The following RASAL2 variants were observed in gnomAD, a reference collection of about 807,000 sequenced individuals.
RASAL2 encodes the protein RAS protein activator like 2, also known as ras GTPase-activating protein nGAP.
A neutral mutation model predicts 128.9 loss-of-function variants in RASAL2; 58 were observed. The observed-to-expected ratio is 0.45, with a 90% CI of 0.36 to 0.56. The LOEUF is 0.56. Among genes scored for constraint, RASAL2 ranks in the 20% least tolerant of loss-of-function variants. RASAL2 has a pLI of 0.00. For synonymous variants in RASAL2, 561 were observed against 580.8 expected (o/e 0.97, Z 0.49); for missense variants, 1,360 against 1,601.6 (o/e 0.85, Z 2.57).
intron 1 of RASAL2, among the ~76,000 whole-genome samples, chr1:178,116,919 A>T (rs918427460): frequency 3.3e-5 from 5 of 152,162 alleles, no homozygotes; most frequent in Non-Finnish European, 7.4e-5. Context: ...TAATTTTTGT[A>T]ATTTTTGATT....
intron 16 of RASAL2, among the ~76,000 whole-genome samples, chr1:178,466,906 T>C (rs534458101): frequency 6.6e-6 from 1 of 152,146 alleles, no homozygotes. Context: ...AGTTAAGATG[T>C]GAATGGCGGA....
At chr1:178,267,070 C>T (rs543825207) in intron 1 of RASAL2, among the ~76,000 whole-genome samples, 1 of 152,260 alleles carries the variant, frequency 6.6e-6, no homozygotes, top group South Asian at 2.1e-4. Flanking sequence ...AAAAACTTTC[C>T]AAGGACCCCT....
chr1:178,237,591 TCTTA>T (rs1664311196), intron 1 of RASAL2, among the ~76,000 whole-genome samples: 2 of 152,228 alleles, frequency 1.3e-5, no homozygotes, highest in African/African-American at 4.8e-5. Flanking sequence ...ACTTTAATAT[TCTTA>T]CTTTTACATA....
chr1:178,216,852 T>C (rs960074992), intron 1 of RASAL2, among the ~76,000 whole-genome samples: 1 of 152,210 alleles, frequency 6.6e-6, no homozygotes, highest in Non-Finnish European at 1.5e-5. Context: ...TTGAAGAAGA[T>C]AGTGTTCAAA....
At chr1:178,374,061 G>A (rs939978277) in intron 3 of RASAL2, among the ~76,000 whole-genome samples, 3 of 152,112 alleles carry the variant, frequency 2.0e-5, no homozygotes, top group Non-Finnish European at 4.4e-5. Context: ...ATGCTCTGCT[G>A]TGGCAGTGCT....
At chr1:178,249,188 G>T (rs1664926895) in intron 1 of RASAL2, among the ~76,000 whole-genome samples, 1 of 152,050 alleles carries the variant, frequency 6.6e-6, no homozygotes, top group African/African-American at 2.4e-5. Context: ...ATCAAGCATA[G>T]GTTTGGTCTT....
At chr1:178,155,603 G>A (rs570484907) in intron 1 of RASAL2, among the ~76,000 whole-genome samples, 7 of 151,238 alleles carry the variant, frequency 4.6e-5, no homozygotes, top group East Asian at 1.9e-4. Flanking sequence ...CTTTTGTGAC[G>A]TAGGAGACAG....
In RASAL2 at chr1:178,196,302, G is replaced by A. The variant is rs184592691; in HGVS notation, c.203-87262G>A. ...TGTTTAAAACAACTAATACTATAAA[G>A]AAAGGGAAAAGTCAAGGTACAAAGT... On this transcript the variant is annotated intron_variant, in intron 1 of 17. Coordinates refer to ENST00000367649, the MANE Select transcript of RASAL2 (RefSeq NM_170692.4). Among the ~76,000 whole-genome samples, 4 of 152,126 alleles carry A rather than the reference G, an allele frequency of 2.6e-5. No homozygotes were observed. In the South Asian group the frequency reaches 6.2e-4, roughly 24 times the overall value.
chr1:178,379,820 A>G (rs1208745192), intron 3 of RASAL2, among the ~76,000 whole-genome samples: 1 of 152,222 alleles, frequency 6.6e-6, no homozygotes, highest in Admixed American at 6.5e-5. Context: ...AAGGAAATTA[A>G]GCTGAACAGA....
At chr1:178,386,820 G>C (rs1672598125) in intron 3 of RASAL2, among the ~76,000 whole-genome samples, 1 of 152,200 alleles carries the variant, frequency 6.6e-6, no homozygotes, top group Admixed American at 6.6e-5. Flanking sequence ...TGTAGCATGA[G>C]TGGGGGTAGA....
chr1:178,372,258 C>T (rs563364539), intron 3 of RASAL2: 52 of 985,124 alleles, frequency 5.3e-5, no homozygotes, highest in Admixed American at 6.2e-5. Context: ...TCCTTTCCCC[C>T]GGTGATGTGG....
chr1:178,464,831 G>GTTTTTTTTTTTTTTTTTTTTTT (rs986789340), intron 15 of RASAL2, among the ~76,000 whole-genome samples: 6 of 38,202 alleles, frequency 1.6e-4, no homozygotes, highest in African/African-American at 6.1e-4. Context: ...GGTTTTAGTT[G>GTTTTTTTTTTTTTTTTTTTTTT]TTTTTTTTTT....
intron 5 of RASAL2, among the ~76,000 whole-genome samples, chr1:178,424,202 T>C (rs1675351781): frequency 6.6e-6 from 1 of 152,052 alleles, no homozygotes; most frequent in African/African-American, 2.4e-5. Context: ...TATTTTGAAA[T>C]CTTCAAAGTG....
intron 3 of RASAL2, among the ~76,000 whole-genome samples, chr1:178,365,439 ATG>A (rs1671347248): frequency 8.8e-6 from 1 of 113,938 alleles, no homozygotes; most frequent in Non-Finnish European, 2.0e-5. Flanking sequence ...CTGTTATGTT[ATG>A]TTATGTTATG....
At chr1:178,180,485 C>CAAAAAAAAA (rs71108033) in intron 1 of RASAL2, among the ~76,000 whole-genome samples, 1 of 72,562 alleles carries the variant, frequency 1.4e-5, no homozygotes, top group African/African-American at 5.2e-5. Context: ...TCATCTCTAC[C>CAAAAAAAAA]AAAAAAAAAA....
At chr1:178,342,534 T>A (rs950097117) in intron 3 of RASAL2, among the ~76,000 whole-genome samples, 3 of 152,212 alleles carry the variant, frequency 2.0e-5, no homozygotes, top group African/African-American at 7.2e-5. Context: ...ATACATGCTC[T>A]TGACCAAAAC....
Position 178,390,224 on chromosome 1 carries a change from T to A in RASAL2, c.564+18T>A. 1.9e-6 allele frequency: 3 copies of A among 1,554,078 alleles called. No individual in the cohort carries two copies. The South Asian group carries it at 3.5e-5, about 18-fold the overall frequency. On this transcript the variant is annotated intron_variant, in intron 4 of 17. Transcript: ENST00000367649. ...AAGTACCAGTAAGTGTTTATCTTCTTTATAAGAATATTTTACTTTTCCTTT... is the reference window on the plus strand; with the variant it reads ...AAGTACCAGTAAGTGTTTATCTTCTATATAAGAATATTTTACTTTTCCTTT...
intron 1 of RASAL2, among the ~76,000 whole-genome samples, chr1:178,277,116 C>A (rs1182470122): frequency 1.4e-5 from 2 of 145,066 alleles, no homozygotes; most frequent in East Asian, 4.0e-4. Context: ...CCACTGCACT[C>A]CAGCCTGGGC....
chr1:178,186,801 T>C (rs1662317249), intron 1 of RASAL2, among the ~76,000 whole-genome samples: 1 of 152,126 alleles, frequency 6.6e-6, no homozygotes, highest in South Asian at 2.1e-4. Flanking sequence ...CAGCCTTCTT[T>C]CTTCCTTTTT....
Sources: gnomAD v4.1 joint callset for allele counts (sites outside exome capture counted in the v4.1 genomes callset) on GRCh38, gnomAD v4.1.1 for gene constraint, MANE v1.5 for transcripts, NCBI Gene and HGNC (gene_info 2026-07-23, HGNC 2026-07-21) for gene names.